TEAD1: variants seen among roughly 807,000 people sequenced by gnomAD.
TEAD1 encodes the protein transcriptional enhancer factor TEF-1.
Under a neutral mutation model 54.9 loss-of-function variants are expected in TEAD1, and 9 were observed. The observed-to-expected ratio is 0.16, with a 90% CI of 0.10 to 0.29. The LOEUF (loss-of-function observed/expected upper bound fraction) is 0.29, where lower values mean the gene tolerates loss of function less well. Among genes scored for constraint, TEAD1 ranks in the 10% least tolerant of loss-of-function variants. The pLI, the probability that TEAD1 is intolerant of heterozygous loss-of-function variation, is 1.00. For missense variants in TEAD1, 387 were observed against 535.9 expected (o/e 0.72, Z 2.74); for synonymous variants, 200 against 187.8 (o/e 1.07, Z -0.53).
At chr11:12,697,442 A>T (rs1943609291) in intron 2 of TEAD1, among the ~76,000 whole-genome samples, 1 of 152,210 alleles carries the variant, frequency 6.6e-6, no homozygotes, top group South Asian at 2.1e-4. Flanking sequence ...GAGGAAATTT[A>T]GATGAGACTT....
At chr11:12,683,289 G>A (rs912177595) in intron 2 of TEAD1, among the ~76,000 whole-genome samples, 8 of 152,196 alleles carry the variant, frequency 5.3e-5, no homozygotes, top group Admixed American at 4.6e-4. Flanking sequence ...CGGCAGTCAT[G>A]TCTTAGGGTT....
intron 2 of TEAD1, among the ~76,000 whole-genome samples, chr11:12,750,318 A>C (rs1017024206): frequency 1.4e-4 from 21 of 152,168 alleles, no homozygotes; most frequent in African/African-American, 5.1e-4. Context: ...AGCATTCATT[A>C]GAATGGCTGA....
intron 10 of TEAD1, among the ~76,000 whole-genome samples, chr11:12,907,207 T>C (rs1016318269): frequency 6.6e-6 from 1 of 152,074 alleles, no homozygotes; most frequent in Non-Finnish European, 1.5e-5. Flanking sequence ...GAGGGGCTGG[T>C]AAGCAAAGGC....
intron 2 of TEAD1, among the ~76,000 whole-genome samples, chr11:12,708,184 A>G (rs538673770): frequency 4.7e-5 from 7 of 150,432 alleles, no homozygotes; most frequent in South Asian, 4.2e-4. Context: ...GCTTCTCTCT[A>G]TATACTGCTG....
intron 2 of TEAD1, among the ~76,000 whole-genome samples, chr11:12,739,612 C>T (rs576431996): frequency 6.6e-6 from 1 of 152,256 alleles, no homozygotes; most frequent in South Asian, 2.1e-4. Context: ...GTCAGAATTG[C>T]CTTCCTTTTC....
intron 2 of TEAD1, among the ~76,000 whole-genome samples, chr11:12,756,144 G>C (rs758708613): frequency 3.5e-4 from 53 of 152,182 alleles, no homozygotes; most frequent in Admixed American, 9.8e-4. Flanking sequence ...TTGGGGCTTG[G>C]TGAAGAGATA....
intron 9 of TEAD1, 92 bp downstream of exon 9, chr11:12,883,217 C>G: frequency 6.3e-7 from 1 of 1,581,204 alleles, no homozygotes; most frequent in South Asian, 1.1e-5. Context: ...TCCTTTACCC[C>G]GCCCCATGCC....
At chr11:12,936,724 T>C (rs1362632832) in intron 12 of TEAD1, among the ~76,000 whole-genome samples, 1 of 152,166 alleles carries the variant, frequency 6.6e-6, no homozygotes, top group Non-Finnish European at 1.5e-5. Context: ...CTTGTCAATT[T>C]AAAAATTCAG....
chr11:12,846,385 C>T (rs961529843), intron 3 of TEAD1, among the ~76,000 whole-genome samples: 3 of 152,114 alleles, frequency 2.0e-5, no homozygotes, highest in South Asian at 2.1e-4. Context: ...ACTGCTTAAG[C>T]GGTTGTTGAC....
chr11:12,677,237 G>A (rs1186487094), intron 2 of TEAD1, among the ~76,000 whole-genome samples: 1 of 151,978 alleles, frequency 6.6e-6, no homozygotes, highest in African/African-American at 2.4e-5. Context: ...AAAGGGGGAG[G>A]ACATCCCAAT....
At chr11:12,934,232 T>C (rs1042044745) in intron 12 of TEAD1, among the ~76,000 whole-genome samples, 1 of 152,164 alleles carries the variant, frequency 6.6e-6, no homozygotes, top group African/African-American at 2.4e-5. Context: ...TTCATGTCCT[T>C]TGTAGGGACG....
At chr11:12,820,983 C>G (rs1318894662) in intron 3 of TEAD1, among the ~76,000 whole-genome samples, 1 of 152,204 alleles carries the variant, frequency 6.6e-6, no homozygotes, top group Non-Finnish European at 1.5e-5. Context: ...GTTTGCAGCA[C>G]TTTGGGGGCT....
chr11:12,763,126 G>A (rs945040679), intron 2 of TEAD1, among the ~76,000 whole-genome samples: 9 of 152,218 alleles, frequency 5.9e-5, no homozygotes, highest in Admixed American at 2.6e-4. Context: ...TACTGGATTA[G>A]ATCATTTTCA....
chr11:12,831,826 A>G (rs1018047551), intron 3 of TEAD1, among the ~76,000 whole-genome samples: 2 of 151,950 alleles, frequency 1.3e-5, no homozygotes, highest in African/African-American at 2.4e-5. Flanking sequence ...TATAATATTT[A>G]TATTGCACAA....
chr11:12,785,812 T>A (rs775107952), intron 3 of TEAD1, among the ~76,000 whole-genome samples: 1 of 152,204 alleles, frequency 6.6e-6, no homozygotes, highest in Non-Finnish European at 1.5e-5. Context: ...TCTCTGACAA[T>A]CCATGACTAT....
At chr11:12,930,353 G>C (rs1364213604) in intron 12 of TEAD1, 27 bp downstream of exon 12, 1 of 1,613,598 alleles carries the variant, frequency 6.2e-7, no homozygotes, top group Admixed American at 1.7e-5. Flanking sequence ...TTTCCTCTGT[G>C]GGCAGATGCT....
At chr11:12,894,286 C>T (rs1021805457) in intron 9 of TEAD1, among the ~76,000 whole-genome samples, 4 of 152,082 alleles carry the variant, frequency 2.6e-5, no homozygotes, top group African/African-American at 4.8e-5. Flanking sequence ...GTGCAGGACC[C>T]GGTGTGTCTG....
intron 3 of TEAD1, chr11:12,849,404 T>G (rs539589761): frequency 6.6e-6 from 1 of 152,310 alleles, no homozygotes; most frequent in African/African-American, 2.4e-5. Context: ...GTGTTTCATT[T>G]AGCTTATTCC....
intron 3 of TEAD1, among the ~76,000 whole-genome samples, chr11:12,825,215 A>G (rs181915410): frequency 6.6e-6 from 1 of 152,162 alleles, no homozygotes; most frequent in Non-Finnish European, 1.5e-5. Flanking sequence ...CACTTTTGCT[A>G]CTTATATTTA....
Sources: allele counts gnomAD v4.1 joint callset (sites outside exome capture counted in the v4.1 genomes callset), GRCh38; gene constraint gnomAD v4.1.1; transcripts MANE v1.5; gene names NCBI Gene and HGNC (gene_info 2026-07-23, HGNC 2026-07-21).